The following TRMT10C variants were observed in gnomAD, a reference collection of about 807,000 sequenced individuals.
TRMT10C encodes tRNA methyltransferase 10 homolog C.
Under a neutral mutation model 27.4 loss-of-function variants are expected in TRMT10C, and 14 were observed. The observed-to-expected ratio is 0.51, with a 90% CI of 0.34 to 0.80. The LOEUF is 0.80. TRMT10C is among the 30% of genes least tolerant of loss of function. TRMT10C has a pLI of 0.02. For missense variants in TRMT10C, 438 were observed against 464.8 expected, an observed-to-expected ratio of 0.94 and a Z score of 0.53; for synonymous variants, 143 against 155.9, an observed-to-expected ratio of 0.92 and a Z score of 0.62.
At chr3:101,562,520 G>A (rs1934433344) in intron 1 of TRMT10C, among the ~76,000 whole-genome samples, 1 of 152,080 alleles carries the variant, frequency 6.6e-6, no homozygotes, top group African/African-American at 2.4e-5. Flanking sequence ...GCGTGGTGGC[G>A]GGTGCCTGTA....
In TRMT10C at chr3:101,564,874, T is replaced by G; in HGVS notation, c.93T>G (p.Asn31Lys). ...CATTTACCCTTCATAGGAAGAGAAATAACTTAACAATTTTGCAGAGATACA... is the reference window on the plus strand; with the variant it reads ...CATTTACCCTTCATAGGAAGAGAAAGAACTTAACAATTTTGCAGAGATACA... ...LVPFTLHRKR[N>K]NLTILQRYMS... Residue 31 changes from asparagine (N) to lysine (K), a missense_variant, in exon 2 of 2, where the codon AAT becomes AAG. Asn to Lys is a moderately conservative substitution (Grantham distance 94, BLOSUM62 0). Around this residue, in one of 3 missense-constraint regions of TRMT10C, gnomAD observed 350 missense variants for 370.5 expected, o/e 0.94. Transcript: ENST00000309922. The G allele has an allele frequency of 6.2e-7, 1 of 1,614,008 alleles. No individual in the cohort carries two copies. Among genetic ancestry groups the G allele is most frequent in the South Asian group, 1.1e-5 (1 of 91,070 alleles).
At chr3:101,563,786 C>T (rs1456570128) in intron 1 of TRMT10C, among the ~76,000 whole-genome samples, 1 of 152,164 alleles carries the variant, frequency 6.6e-6, no homozygotes, top group Non-Finnish European at 1.5e-5. Flanking sequence ...ATCTCATGGA[C>T]ATCCAGGCTT....
At chr3:101,562,522 G>A (rs1934433381) in intron 1 of TRMT10C, among the ~76,000 whole-genome samples, 2 of 152,230 alleles carry the variant, frequency 1.3e-5, no homozygotes, top group African/African-American at 4.8e-5. Flanking sequence ...GTGGTGGCGG[G>A]TGCCTGTAGT....
Position 101,565,869 on chromosome 3 carries a change from T to C in TRMT10C, c.1088T>C (p.Leu363Pro). ...LDQMIRILLC[L>P]KNNGNWQEAL... Reference sequence around the variant, plus strand: ...CAAATGATACGTATTTTGTTATGTCTGAAAAACAATGGTAATTGGCAAGAG... The same window carrying C: ...CAAATGATACGTATTTTGTTATGTCCGAAAAACAATGGTAATTGGCAAGAG... The change falls in exon 2 of 2, where the codon CTG becomes CCG. Residue 363 changes from leucine (L) to proline (P), a missense_variant. By Grantham distance (98) the Leu-to-Pro change is moderately conservative. Transcript: ENST00000309922. The C allele has an allele frequency of 6.2e-7, 1 of 1,614,206 alleles. No homozygotes were observed. Among genetic ancestry groups the C allele is most frequent in the Non-Finnish European group, 8.5e-7 (1 of 1,180,028 alleles).
In TRMT10C at chr3:101,565,927, T is replaced by C; in HGVS notation, c.1146T>C (p.Thr382=). 1 of 1,613,564 alleles carries C rather than the reference T, an allele frequency of 6.2e-7. No individual in the cohort carries two copies. Among genetic ancestry groups the C allele is most frequent in the Non-Finnish European group, 8.5e-7 (1 of 1,179,696 alleles). The part of the protein sequence containing the change: ...ALQFVPKRKH[T]GFLEISQHSQ... ...AATTCGTTCCCAAGAGAAAACATACTGGTTTTCTGGAGATTTCTCAGCATT... is the reference window on the plus strand; with the variant it reads ...AATTCGTTCCCAAGAGAAAACATACCGGTTTTCTGGAGATTTCTCAGCATT... The change falls in exon 2 of 2, where the codon ACT becomes ACC. Residue 382 remains threonine (T), a synonymous_variant. Transcript: ENST00000309922.
At chr3:101,562,629 CAG>C (rs1276309657) in intron 1 of TRMT10C, among the ~76,000 whole-genome samples, 1 of 151,368 alleles carries the variant, frequency 6.6e-6, no homozygotes, top group African/African-American at 2.4e-5. Context: ...CCTGGAGTGA[CAG>C]AGCGAGACTC....
At position 101,565,076 on chromosome 3, in the gene TRMT10C, G is replaced by A; in HGVS notation, c.295G>A (p.Glu99Lys). The part of the protein sequence containing the change: ...DPLAATREFI[E>K]MWRLLGREVP... Reference sequence around the variant, plus strand: ...TCTAGCTGCCACCAGAGAGTTCATTGAGATGTGGAGATTGCTTGGCAGAGA... The same window carrying A: ...TCTAGCTGCCACCAGAGAGTTCATTAAGATGTGGAGATTGCTTGGCAGAGA... The change falls in exon 2 of 2, where the codon GAG becomes AAG. Residue 99 changes from glutamate (E) to lysine (K), a missense_variant. Coordinates refer to ENST00000309922, the MANE Select transcript of TRMT10C (RefSeq NM_017819.4). 1 of 1,614,020 alleles carries A rather than the reference G, an allele frequency of 6.2e-7. No homozygotes were observed. The highest frequency in any genetic ancestry group is 1.3e-5 in the African/African-American group (1 of 75,014).
Position 101,564,961 on chromosome 3 carries a change from G to T in TRMT10C, c.180G>T (p.Glu60Asp). The change falls in exon 2 of 2, where the codon GAG becomes GAT. Residue 60 changes from glutamate to aspartate, a missense_variant. Glu to Asp is a conservative substitution (Grantham distance 45). Around this residue, in one of 3 missense-constraint regions of TRMT10C, gnomAD observed 350 missense variants for 370.5 expected, o/e 0.94. Transcript: ENST00000309922. Reference protein sequence around the residue: ...PKNESTPPSEELELDKWKTTM... With the variant: ...PKNESTPPSEDLELDKWKTTM... The stretch of plus-strand genomic sequence containing the variant: ...ATGAGAGTACACCCCCTTCTGAAGA[G>T]CTAGAGTTGGATAAGTGGAAAACTA... 2 of 1,613,814 alleles carry T rather than the reference G, an allele frequency of 1.2e-6. No individual in the cohort carries two copies. Among genetic ancestry groups the T allele is most frequent in the South Asian group, 1.1e-5 (1 of 91,084 alleles).
rs774594204 is a variant in TRMT10C at position 101,565,201 on chromosome 3, A to C, written c.420A>C (p.Glu140Asp). The change falls in exon 2 of 2, where the codon GAA becomes GAC. Residue 140 changes from glutamate to aspartate, a missense_variant. Physicochemically the swap from Glu to Asp is conservative, Grantham distance 45. Coordinates refer to ENST00000309922, the MANE Select transcript of TRMT10C (RefSeq NM_017819.4). ...ATTTAAAATATTTATATACGAAGGA[A>C]AAAGTGAAAAAAGCTAGGCAAATAA... ...KKYLKYLYTK[E>D]KVKKARQIKK... is the part of the protein sequence containing the mutation. 1.9e-6 allele frequency: 3 copies of C among 1,580,646 alleles called. No individual in the cohort carries two copies. Among genetic ancestry groups the C allele is most frequent in the African/African-American group, 1.4e-5 (1 of 72,424 alleles).
chr3:101,564,289 ACTC>A lies in TRMT10C; in HGVS notation c.-12-480_-12-478del, dbSNP rs1400468017. Among the ~76,000 whole-genome samples the A allele has an allele frequency of 5.7e-4, 77 of 134,380 alleles. 1 individual carries two copies. The highest frequency in any genetic ancestry group is 2.1e-3 in the African/African-American group (76 of 35,996). 88.2% of individuals were successfully genotyped at this position (134,380 alleles called of 152,430 possible). A position where few individuals can be genotyped will look rare whatever the true frequency, so the allele number is the denominator to read the frequency against. Reference sequence around the variant, plus strand: ...TTTTTTTTTTTTGAGACAGAATCTCACTCTGTCACCCAGGCTGGAGTGCAGTGG... The same window carrying A: ...TTTTTTTTTTTTGAGACAGAATCTCATGTCACCCAGGCTGGAGTGCAGTGG... On this transcript the variant is annotated intron_variant, in intron 1 of 1. Transcript: ENST00000309922.
At position 101,565,174 on chromosome 3, in the gene TRMT10C, A is replaced by T; in HGVS notation, c.393A>T (p.Lys131Asn). ...GTGTTTCTAACACAGCAAAAAAAAA[A>T]TATTTAAAATATTTATATACGAAGG... ...MECVSNTAKK[K>N]YLKYLYTKEK... Residue 131 changes from lysine to asparagine, a missense_variant, in exon 2 of 2, where the codon AAA (lysine) becomes AAT (asparagine). This residue lies in a region of TRMT10C where 350 missense variants were observed against 370.5 expected (regional missense o/e 0.94). Transcript: ENST00000309922. 6.5e-7 allele frequency: 1 copy of T among 1,548,952 alleles called. No individual in the cohort carries two copies. The highest frequency in any genetic ancestry group is 8.7e-7 in the Non-Finnish European group (1 of 1,152,690).
chr3:101,563,554 A>T (rs939286389), intron 1 of TRMT10C, among the ~76,000 whole-genome samples: 6 of 152,150 alleles, frequency 3.9e-5, no homozygotes, highest in African/African-American at 1.4e-4. Flanking sequence ...AAAGAATAGG[A>T]TAGAATGCGG....
In TRMT10C at chr3:101,566,226, T is replaced by G; in HGVS notation, c.*233T>G. ...TTATACTTTGTTTACTGTAGAAAGATAATAAAAAGAGTTGTCCAAGATTGT... is the reference window on the plus strand; with the variant it reads ...TTATACTTTGTTTACTGTAGAAAGAGAATAAAAAGAGTTGTCCAAGATTGT... On this transcript the variant is annotated 3_prime_UTR_variant, in exon 2 of 2. Coordinates refer to ENST00000309922, the MANE Select transcript of TRMT10C (RefSeq NM_017819.4). 2.4e-6 allele frequency: 1 copy of G among 419,792 alleles called. No individual in the cohort carries two copies. Among genetic ancestry groups the G allele is most frequent in the East Asian group, 4.2e-5 (1 of 23,990 alleles). The allele number at this position is 419,792 out of a possible 1,614,324, so 26.0% of individuals were successfully genotyped here.
chr3:101,563,807 A>T (rs1287141698), intron 1 of TRMT10C, among the ~76,000 whole-genome samples: 1 of 151,928 alleles, frequency 6.6e-6, no homozygotes. Context: ...TTAGGATAAA[A>T]CTGTGGAGCT....
intron 1 of TRMT10C, 59 bp from the exon 2 acceptor site, chr3:101,564,711 A>C (rs1013317417): frequency 1.5e-6 from 2 of 1,377,834 alleles, no homozygotes; most frequent in Admixed American, 4.6e-5. Context: ...TTGCACAATT[A>C]GTTGAGAAGT....
chr3:101,565,469 A>G lies in TRMT10C; in HGVS notation c.688A>G (p.Ser230Gly), dbSNP rs200819726. ...GAATACTGTTTCCCAGCTTTTAGAAAGTGAAGGATGGAACAGAAGAAATGT... is the reference window on the plus strand; with the variant it reads ...GAATACTGTTTCCCAGCTTTTAGAAGGTGAAGGATGGAACAGAAGAAATGT... ...LQNTVSQLLE[S>G]EGWNRRNVDP... The change falls in exon 2 of 2, where the codon AGT (serine) becomes GGT (glycine). Residue 230 changes from serine (S) to glycine (G), a missense_variant. This residue lies in a region of TRMT10C where 350 missense variants were observed against 370.5 expected (regional missense o/e 0.94). Transcript: ENST00000309922. 5.6e-6 allele frequency: 9 copies of G among 1,614,060 alleles called. No homozygotes were observed. The East Asian group carries it at 1.8e-4, about 32-fold the overall frequency.
rs1934492158 is a variant in TRMT10C, at chr3:101,565,315, A to G, written c.534A>G (p.Leu178=). Residue 178 remains leucine, a synonymous_variant, in exon 2 of 2, where the codon CTA becomes CTG. Coordinates refer to ENST00000309922, the MANE Select transcript of TRMT10C (RefSeq NM_017819.4). ...TTEEDKQKNF[L]FLRLWDRNMD... ...AGGAAGATAAACAGAAAAACTTTCT[A>G]TTTTTACGACTTTGGGATAGGAATA... 1 of 1,613,586 alleles carries G rather than the reference A, an allele frequency of 6.2e-7. No individual in the cohort carries two copies. Among genetic ancestry groups the G allele is most frequent in the Non-Finnish European group, 8.5e-7 (1 of 1,179,858 alleles).
Position 101,566,091 on chromosome 3 carries a change from G to C in TRMT10C, c.*98G>C. The C allele has an allele frequency of 4.7e-6, 6 of 1,282,598 alleles. No homozygotes were observed. The highest frequency in any genetic ancestry group is 6.3e-6 in the Non-Finnish European group (6 of 945,014). 79.5% of individuals were successfully genotyped at this position (1,282,598 alleles called of 1,614,324 possible). ...GTAAATGCGTTAGAAATACAGTTCTGTTAATGTATTTCTTCCCAAACAATT... is the reference window on the plus strand; with the variant it reads ...GTAAATGCGTTAGAAATACAGTTCTCTTAATGTATTTCTTCCCAAACAATT... On this transcript the variant is annotated 3_prime_UTR_variant, in exon 2 of 2. Transcript: ENST00000309922.
intron 1 of TRMT10C, 138 bp from the exon 2 acceptor site, chr3:101,564,632 A>G (rs561444756): frequency 2.2e-6 from 2 of 895,938 alleles, no homozygotes; most frequent in East Asian, 5.1e-5. Flanking sequence ...AGTCTAGGAA[A>G]AAAATTGGTA....
Sources: allele counts gnomAD v4.1 joint callset (sites outside exome capture counted in the v4.1 genomes callset), GRCh38; gene constraint gnomAD v4.1.1; regional missense constraint gnomAD v4.1.1; transcripts MANE v1.5; gene names NCBI Gene and HGNC (gene_info 2026-07-23, HGNC 2026-07-21).